Variants in CSPP1 observed in about 807,000 individuals in gnomAD.
CSPP1 encodes the protein centrosome and spindle pole associated protein 1.
Under a neutral mutation model 164.4 loss-of-function variants are expected in CSPP1, and 126 were observed. The observed-to-expected ratio is 0.77, with a 90% confidence interval of 0.66 to 0.89. CSPP1 has a LOEUF of 0.89. Ranked by LOEUF, CSPP1 falls within the 40% of genes least tolerant of loss-of-function variation. The pLI, the probability that CSPP1 is intolerant of heterozygous loss-of-function variation, is 0.00. For synonymous variants in CSPP1, 472 were observed against 476.7 expected, an observed-to-expected ratio of 0.99 and a Z score of 0.13; for missense variants, 1,395 against 1,449.8, an observed-to-expected ratio of 0.96 and a Z score of 0.61.
intron 17 of CSPP1, among the ~76,000 whole-genome samples, chr8:67,138,130 T>C (rs1003240877): frequency 3.9e-5 from 6 of 152,222 alleles, no homozygotes; most frequent in Non-Finnish European, 5.9e-5. Context: ...CTTTCAATTA[T>C]GTACTCTCAA....
chr8:67,124,214 T>G (rs1819614907), intron 15 of CSPP1, among the ~76,000 whole-genome samples: 1 of 152,166 alleles, frequency 6.6e-6, no homozygotes, highest in African/African-American at 2.4e-5. Flanking sequence ...GTTTCTTTTA[T>G]GTTAAATATT....
At chr8:67,110,543 A>G (rs1021822369) in intron 9 of CSPP1, among the ~76,000 whole-genome samples, 1 of 152,144 alleles carries the variant, frequency 6.6e-6, no homozygotes, top group East Asian at 1.9e-4. Flanking sequence ...AAACTAGCAC[A>G]CTGCAAAGTC....
chr8:67,111,622 C>T (rs1016626438), intron 9 of CSPP1, among the ~76,000 whole-genome samples: 3 of 151,676 alleles, frequency 2.0e-5, no homozygotes, highest in South Asian at 2.1e-4. Flanking sequence ...TGCTCGTTTG[C>T]GATTGAAATG....
At chr8:67,139,671 G>T (rs1434775395) in intron 17 of CSPP1, among the ~76,000 whole-genome samples, 3 of 152,116 alleles carry the variant, frequency 2.0e-5, no homozygotes, top group African/African-American at 7.2e-5. Context: ...CCATAAAAAA[G>T]GCTGAGTTCA....
At chr8:67,173,376 G>C (rs973722457) in intron 25 of CSPP1, 3 of 152,210 alleles carry the variant, frequency 2.0e-5, no homozygotes, top group African/African-American at 7.2e-5. Flanking sequence ...TGGAGAATGT[G>C]TGGAGGAACC....
intron 30 of CSPP1, 138 bp from the exon 31 acceptor site, chr8:67,195,240 AAAAC>A (rs3217664): frequency 3.9e-5 from 28 of 712,016 alleles, no homozygotes; most frequent in Middle Eastern, 8.2e-4. Context: ...GAGTCTAACC[AAAAC>A]AAACAAACAG....
intron 5 of CSPP1, 21 bp downstream of exon 5, chr8:67,091,904 A>T: frequency 1.8e-6 from 2 of 1,111,546 alleles, no homozygotes; most frequent in Non-Finnish European, 1.2e-6. Flanking sequence ...AGGAGTAGTT[A>T]TTGTGGGTAC....
At chr8:67,126,414 G>A (rs117801700) in intron 15 of CSPP1, among the ~76,000 whole-genome samples, 1,934 of 152,182 alleles carry the variant, frequency 0.013, 58 homozygotes, top group South Asian at 0.046. Flanking sequence ...AGTACCCTTT[G>A]TAAAGTCTGT....
chr8:67,066,062 G>A (rs560716920), intron 1 of CSPP1, among the ~76,000 whole-genome samples: 10 of 152,266 alleles, frequency 6.6e-5, no homozygotes, highest in African/African-American at 2.4e-4. Context: ...AAGTGTTTCA[G>A]CAATTTGGCA....
At chr8:67,104,800 G>A (rs897332738) in intron 8 of CSPP1, among the ~76,000 whole-genome samples, 4 of 150,402 alleles carry the variant, frequency 2.7e-5, no homozygotes, top group Non-Finnish European at 5.9e-5. Flanking sequence ...ACCACGCCTG[G>A]CTAATTTTTT....
intron 17 of CSPP1, among the ~76,000 whole-genome samples, chr8:67,144,653 C>A (rs776168940): frequency 4.6e-5 from 7 of 152,086 alleles, no homozygotes; most frequent in Non-Finnish European, 1.0e-4. Context: ...GTTTATGTTG[C>A]CTAGGCTGGT....
At chr8:67,087,210 C>T (rs1810592798) in intron 4 of CSPP1, among the ~76,000 whole-genome samples, 1 of 151,932 alleles carries the variant, frequency 6.6e-6, no homozygotes, top group African/African-American at 2.4e-5. Context: ...AGTAGAATAT[C>T]CAAGATATTT....
In CSPP1 at chr8:67,196,353, G is replaced by T. The variant is rs1017708747; in HGVS notation, c.*760G>T. 3 of 152,146 alleles carry T rather than the reference G, an allele frequency of 2.0e-5. No homozygotes were observed. The highest frequency in any genetic ancestry group is 2.9e-5 in the Non-Finnish European group (2 of 68,038). 9.4% of individuals were successfully genotyped at this position (152,146 alleles called of 1,614,324 possible). A position where few individuals can be genotyped will look rare whatever the true frequency, so the allele number is the denominator to read the frequency against. The stretch of plus-strand genomic sequence containing the variant: ...CCGGGAGTCAAGGACAGAGAGACTG[G>T]AGTCTTCTTCTTCCACCATGGAACC... On this transcript the variant is annotated 3_prime_UTR_variant, in exon 31 of 31. Transcript: ENST00000678616.
chr8:67,176,789 T>C (rs927283631), intron 26 of CSPP1, among the ~76,000 whole-genome samples: 3 of 152,100 alleles, frequency 2.0e-5, no homozygotes, highest in African/African-American at 7.2e-5. Flanking sequence ...ATGACCTCAC[T>C]GGCCAGGCGT....
In CSPP1 at chr8:67,085,723, G is replaced by C. The variant is rs56044353; in HGVS notation, c.200-284G>C. 2.8e-3 allele frequency among the ~76,000 whole-genome samples: 424 copies of C among 152,146 alleles called. 2 individuals carry two copies. Among genetic ancestry groups the C allele is most frequent in the African/African-American group, 8.9e-3 (368 of 41,532 alleles). On this transcript the variant is annotated intron_variant, in intron 3 of 30. Coordinates refer to ENST00000678616, the MANE Select transcript of CSPP1 (RefSeq NM_001382391.1). ...ATAATATAAAAGTATCTGTTTATAG[G>C]TGCATTAAAAAATTATCTGCATGGA...
Position 67,094,618 on chromosome 8 carries a change from A to G in CSPP1, c.484-675A>G, listed in dbSNP as rs137949976. Among the ~76,000 whole-genome samples the G allele has an allele frequency of 7.9e-3, 1,197 of 152,118 alleles. 7 individuals are homozygous for G. The highest frequency in any genetic ancestry group is 0.014 in the Middle Eastern group (4 of 292). ...GAAATTTTTTTTTCTAAAAAAATATATGGGTGATTAATGTTGCCTAGGCTG... is the reference window on the plus strand; with the variant it reads ...GAAATTTTTTTTTCTAAAAAAATATGTGGGTGATTAATGTTGCCTAGGCTG... On this transcript the variant is annotated intron_variant, in intron 6 of 30. Coordinates refer to ENST00000678616, the MANE Select transcript of CSPP1 (RefSeq NM_001382391.1).
intron 17 of CSPP1, among the ~76,000 whole-genome samples, chr8:67,144,799 C>T (rs1028394296): frequency 1.3e-5 from 2 of 151,592 alleles, no homozygotes; most frequent in African/African-American, 4.9e-5. Context: ...CTGGGTGTGG[C>T]GGCTCACGCC....
chr8:67,196,125 T>C lies in CSPP1; in HGVS notation c.*532T>C, dbSNP rs1563821265. The C allele has an allele frequency of 1.3e-5, 2 of 152,608 alleles. No individual in the cohort carries two copies. Among genetic ancestry groups the C allele is most frequent in the African/African-American group, 4.8e-5 (2 of 41,472 alleles). The allele number at this position is 152,608 out of a possible 1,614,324, so 9.5% of individuals were successfully genotyped here. On this transcript the variant is annotated 3_prime_UTR_variant, in exon 31 of 31. Transcript: ENST00000678616. ...GAAGGGAACTGTAATTACTTGTATT[T>C]TTGTAAGCCATACGTTAAATGTTTG...
Position 67,120,860 on chromosome 8 carries a change from C to CT in CSPP1, c.1697+2050dup, listed in dbSNP as rs943972260. ...ACTTTTTATTTATTTTTCTTTCTTTCTTTTTTTTTTTGAGACAGAGTCTCA... is the reference window on the plus strand; with the variant it reads ...ACTTTTTATTTATTTTTCTTTCTTTCTTTTTTTTTTTTGAGACAGAGTCTCA... On this transcript the variant is annotated intron_variant, in intron 15 of 30. Transcript: ENST00000678616. Among the ~76,000 whole-genome samples the CT allele has an allele frequency of 5.7e-3, 830 of 145,178 alleles. 10 individuals are homozygous for CT. The highest frequency in any genetic ancestry group is 0.015 in the African/African-American group (604 of 39,964).
Sources: allele counts gnomAD v4.1 joint callset (sites outside exome capture counted in the v4.1 genomes callset), GRCh38; gene constraint gnomAD v4.1.1; transcripts MANE v1.5; gene names NCBI Gene and HGNC (gene_info 2026-07-23, HGNC 2026-07-21).